Variants in GABRG3 observed in about 807,000 individuals in gnomAD.
GABRG3 encodes gamma-aminobutyric acid type A receptor subunit gamma3.
A neutral mutation model predicts 48.8 loss-of-function variants in GABRG3; 25 were observed. The ratio of observed to expected loss-of-function variants is 0.51; its 90% CI spans 0.37 to 0.72. GABRG3 has a LOEUF of 0.72. Among genes scored for constraint, GABRG3 ranks in the 30% least tolerant of loss-of-function variants. GABRG3 has a pLI of 0.00. For synonymous variants in GABRG3, 227 were observed against 217.6 expected (o/e 1.04, Z -0.38); for missense variants, 394 against 577.9 (o/e 0.68, Z 3.26).
chr15:27,344,158 T>G (rs577986584), intron 5 of GABRG3, among the ~76,000 whole-genome samples: 1 of 152,302 alleles, frequency 6.6e-6, no homozygotes, highest in Admixed American at 6.5e-5. Flanking sequence ...CTGAGGGGTC[T>G]GGGGAGTGAG....
chr15:27,045,006 A>C (rs144869801), intron 3 of GABRG3, among the ~76,000 whole-genome samples: 1 of 152,386 alleles, frequency 6.6e-6, no homozygotes, highest in African/African-American at 2.4e-5. Flanking sequence ...GCAGTCTAAC[A>C]ATCAATACTA....
chr15:27,432,754 T>C (rs1888494200), intron 5 of GABRG3, among the ~76,000 whole-genome samples: 1 of 152,214 alleles, frequency 6.6e-6, no homozygotes, highest in Non-Finnish European at 1.5e-5. Context: ...ATGTATCTCT[T>C]TCCTATCACA....
At chr15:27,531,640 A>C (rs1368619113) in intron 9 of GABRG3, among the ~76,000 whole-genome samples, 1 of 152,218 alleles carries the variant, frequency 6.6e-6, no homozygotes, top group African/African-American at 2.4e-5. Flanking sequence ...CAGAAAGGCA[A>C]ACATGCTTTT....
At chr15:27,485,357 CTG>C (rs981437247) in intron 6 of GABRG3, among the ~76,000 whole-genome samples, 3 of 152,080 alleles carry the variant, frequency 2.0e-5, no homozygotes, top group African/African-American at 4.8e-5. Flanking sequence ...AATTTCAAAA[CTG>C]TGAAAAGAAG....
chr15:27,502,421 C>G (rs35561714), intron 6 of GABRG3, among the ~76,000 whole-genome samples: 5,979 of 152,266 alleles, frequency 0.039, 162 homozygotes, highest in Middle Eastern at 0.11. Flanking sequence ...GTGCTTTATC[C>G]TATTCCCTCA....
intron 3 of GABRG3, among the ~76,000 whole-genome samples, chr15:27,220,403 TGTTATACCAGA>T (rs1277488348): frequency 6.6e-6 from 1 of 152,120 alleles, no homozygotes; most frequent in African/African-American, 2.4e-5. Context: ...TGTCATGTGG[TGTTATACCAGA>T]GTCAGGTCAC....
At chr15:27,454,824 G>A (rs58856061) in intron 5 of GABRG3, among the ~76,000 whole-genome samples, 1,983 of 152,258 alleles carry the variant, frequency 0.013, 44 homozygotes, top group African/African-American at 0.045. Flanking sequence ...ACATACGTAC[G>A]TTGACAAAGT....
chr15:27,195,110 CATTTAGGAAT>C (rs1888452673), intron 3 of GABRG3, among the ~76,000 whole-genome samples: 1 of 344 alleles, frequency 2.9e-3, no homozygotes, highest in Non-Finnish European at 7.0e-3. Flanking sequence ...TGAGCTTTTT[CATTTAGGAAT>C]TTCTTTCAGG....
chr15:27,162,321 G>C (rs1336801221), intron 3 of GABRG3, among the ~76,000 whole-genome samples: 1 of 152,196 alleles, frequency 6.6e-6, no homozygotes, highest in Non-Finnish European at 1.5e-5. Flanking sequence ...TACCTGAGAA[G>C]GAGGTGGTAA....
At chr15:27,201,755 A>G (rs1181991128) in intron 3 of GABRG3, among the ~76,000 whole-genome samples, 2 of 152,198 alleles carry the variant, frequency 1.3e-5, no homozygotes. Context: ...AACAATAATG[A>G]ACTTATAATT....
intron 3 of GABRG3, among the ~76,000 whole-genome samples, chr15:27,265,494 C>A (rs1184719712): frequency 6.6e-6 from 1 of 152,122 alleles, no homozygotes; most frequent in Non-Finnish European, 1.5e-5. Context: ...AGGGTGGGTA[C>A]CTGAGATACA....
At chr15:27,164,402 A>AAT (rs1286040288) in intron 3 of GABRG3, among the ~76,000 whole-genome samples, 1 of 152,206 alleles carries the variant, frequency 6.6e-6, no homozygotes, top group East Asian at 1.9e-4. Flanking sequence ...AAATACTACT[A>AAT]CCCCTAATGT....
intron 3 of GABRG3, among the ~76,000 whole-genome samples, chr15:27,110,910 T>C (rs1359933732): frequency 6.6e-6 from 1 of 152,200 alleles, no homozygotes; most frequent in Non-Finnish European, 1.5e-5. Context: ...ATGAGCTTTC[T>C]GTATCTGTGA....
intron 3 of GABRG3, among the ~76,000 whole-genome samples, chr15:27,250,211 A>C (rs1042238574): frequency 6.6e-6 from 1 of 152,124 alleles, no homozygotes; most frequent in African/African-American, 2.4e-5. Context: ...GAGGAGCACC[A>C]TCAGCTCCTC....
chr15:27,484,336 C>A (rs570046396), intron 6 of GABRG3, among the ~76,000 whole-genome samples: 1 of 152,102 alleles, frequency 6.6e-6, no homozygotes, highest in Non-Finnish European at 1.5e-5. Flanking sequence ...TTTAAAATAT[C>A]TGTAGGCTTA....
chr15:27,236,370 C>T lies in GABRG3; in HGVS notation c.271-90439C>T, dbSNP rs1365837589. Among the ~76,000 whole-genome samples the T allele has an allele frequency of 6.6e-6, 1 of 152,130 alleles. No homozygotes were observed. The highest frequency in any genetic ancestry group is 1.5e-5 in the Non-Finnish European group (1 of 68,030). On this transcript the variant is annotated intron_variant, in intron 3 of 9. Transcript: ENST00000615808. The surrounding 1 kb of genome is among the most constrained non-coding windows in gnomAD (Gnocchi z 4.4). Reference sequence around the variant, plus strand: ...AAGGTCCCCAGCCCACTGAATGGACCCCCTGACCCACTGTTGGCTGAGAGA... The same window carrying T: ...AAGGTCCCCAGCCCACTGAATGGACTCCCTGACCCACTGTTGGCTGAGAGA...
intron 5 of GABRG3, chr15:27,340,433 A>G (rs144612200): frequency 1.2e-3 from 190 of 152,342 alleles, no homozygotes; most frequent in African/African-American, 4.2e-3. Context: ...ACCAATGTAC[A>G]TATGTCTGTG....
chr15:27,220,551 C>T (rs979519730), intron 3 of GABRG3, among the ~76,000 whole-genome samples: 3 of 152,158 alleles, frequency 2.0e-5, no homozygotes, highest in Non-Finnish European at 2.9e-5. Flanking sequence ...CCGTTTCCCC[C>T]TTATCTGAGG....
chr15:27,476,558 T>C (rs963633745), intron 5 of GABRG3, among the ~76,000 whole-genome samples: 1 of 151,886 alleles, frequency 6.6e-6, no homozygotes, highest in African/African-American at 2.4e-5. Context: ...GTTGACATAA[T>C]AACAGATCTT....
Sources: allele counts gnomAD v4.1 joint callset (sites outside exome capture counted in the v4.1 genomes callset), GRCh38; gene constraint gnomAD v4.1.1; non-coding constraint Gnocchi (gnomAD v3.1); transcripts MANE v1.5; gene names NCBI Gene and HGNC (gene_info 2026-07-23, HGNC 2026-07-21).